The following KDM3B variants were observed in gnomAD, a reference collection of about 807,000 sequenced individuals.
KDM3B encodes lysine demethylase 3B, also known as lysine-specific demethylase 3B.
A neutral mutation model predicts 170.0 loss-of-function variants in KDM3B; 10 were observed. That is an observed-to-expected ratio of 0.06 (90% CI 0.04 to 0.10). The LOEUF (loss-of-function observed/expected upper bound fraction) is 0.10, where lower values mean the gene tolerates loss of function less well. KDM3B is among the 10% of genes least tolerant of loss of function. The pLI, the probability that KDM3B is intolerant of heterozygous loss-of-function variation, is 1.00. For missense variants in KDM3B, 1,394 were observed against 2,195.2 expected, an observed-to-expected ratio of 0.64 and a Z score of 7.29; for synonymous variants, 831 against 834.8, an observed-to-expected ratio of 1.00 and a Z score of 0.08.
At chr5:138,430,196 A>G in intron 21 of KDM3B, 53 bp from the exon 22 acceptor site, 1 of 1,585,110 alleles carries the variant, frequency 6.3e-7, no homozygotes, top group African/African-American at 1.3e-5. Context: ...AGTTGGATTT[A>G]TGCTGTTAAT....
chr5:138,354,378 T>C (rs1180306529), intron 1 of KDM3B, among the ~76,000 whole-genome samples: 1 of 152,218 alleles, frequency 6.6e-6, no homozygotes, highest in Non-Finnish European at 1.5e-5. Context: ...CTTTAAAAGA[T>C]GGCTGGGATG....
intron 13 of KDM3B, 83 bp downstream of exon 13, chr5:138,417,693 C>A: frequency 7.1e-7 from 1 of 1,403,314 alleles, no homozygotes; most frequent in Non-Finnish European, 1.0e-6. Context: ...CTCTGTTATG[C>A]CAGGCTACTG....
At chr5:138,376,027 C>A (rs7703010) in intron 3 of KDM3B, among the ~76,000 whole-genome samples, 91,050 of 151,742 alleles carry the variant, frequency 0.6, 27,649 homozygotes, top group East Asian at 0.85. Context: ...CCTTGGCTGG[C>A]GTGCAGTGGC....
At chr5:138,367,767 C>T (rs571961773) in intron 1 of KDM3B, among the ~76,000 whole-genome samples, 8 of 152,232 alleles carry the variant, frequency 5.3e-5, no homozygotes, top group Admixed American at 3.3e-4. Flanking sequence ...GTAATCCCAG[C>T]GCTTTGGGAG....
chr5:138,398,432 G>GA lies in KDM3B; in HGVS notation c.3046+45dup, dbSNP rs762690751. The GA allele has an allele frequency of 4.5e-6, 7 of 1,568,492 alleles. No individual in the cohort carries two copies. The African/African-American group carries it at 9.5e-5, about 21-fold the overall frequency. Reference sequence around the variant, plus strand: ...CACTTGTCTTCCAGGTGCTCCTAGTGAAAAACTTTTATTTTCTTTCACTTA... The same window carrying GA: ...CACTTGTCTTCCAGGTGCTCCTAGTGAAAAAACTTTTATTTTCTTTCACTTA... On this transcript the variant is annotated intron_variant, in intron 10 of 23. Transcript: ENST00000314358.
chr5:138,362,206 A>G (rs1326870096), intron 1 of KDM3B, among the ~76,000 whole-genome samples: 1 of 151,662 alleles, frequency 6.6e-6, no homozygotes, highest in Non-Finnish European at 1.5e-5. Context: ...AATCCCTGCT[A>G]CTCGGGAGGC....
chr5:138,378,849 G>A (rs374068638), intron 4 of KDM3B, among the ~76,000 whole-genome samples: 5 of 150,274 alleles, frequency 3.3e-5, no homozygotes, highest in East Asian at 1.9e-4. Flanking sequence ...GAAAAGTTAC[G>A]GAAGCTTAAT....
At chr5:138,396,095 G>A (rs1762538320) in intron 9 of KDM3B, among the ~76,000 whole-genome samples, 1 of 151,694 alleles carries the variant, frequency 6.6e-6, no homozygotes, top group African/African-American at 2.4e-5. Flanking sequence ...ATGGCAATGA[G>A]TATAGACAAC....
chr5:138,357,343 T>C (rs1428913120), intron 1 of KDM3B, among the ~76,000 whole-genome samples: 1 of 151,636 alleles, frequency 6.6e-6, no homozygotes, highest in Middle Eastern at 3.2e-3. Context: ...ATCTTGAACC[T>C]ATATAAATAT....
intron 10 of KDM3B, among the ~76,000 whole-genome samples, chr5:138,399,443 C>A (rs1329839023): frequency 6.6e-6 from 1 of 151,748 alleles, no homozygotes; most frequent in Non-Finnish European, 1.5e-5. Context: ...GAGGCTGAGG[C>A]AGGTGAATGG....
chr5:138,357,097 G>A (rs1040845634), intron 1 of KDM3B, among the ~76,000 whole-genome samples: 5 of 151,290 alleles, frequency 3.3e-5, no homozygotes, highest in African/African-American at 1.2e-4. Flanking sequence ...ACAGCTCACT[G>A]CTGGGCTCAA....
intron 17 of KDM3B, among the ~76,000 whole-genome samples, chr5:138,426,094 A>G (rs891054183): frequency 1.3e-5 from 2 of 152,206 alleles, no homozygotes; most frequent in African/African-American, 4.8e-5. Context: ...CATGGCAATC[A>G]CATGACTCCC....
chr5:138,362,551 T>TACACACACAC (rs370412367), intron 1 of KDM3B, among the ~76,000 whole-genome samples: 8 of 124,684 alleles, frequency 6.4e-5, no homozygotes, highest in African/African-American at 1.9e-4. Flanking sequence ...TATATGTGTA[T>TACACACACAC]ACACACACAC....
rs922223339 is a variant in KDM3B at position 138,399,708 on chromosome 5, T to C, written c.3047-152T>C. 13 of 607,302 alleles carry C rather than the reference T, an allele frequency of 2.1e-5. No homozygotes were observed. The Admixed American group carries it at 3.8e-4, about 18-fold the overall frequency. 37.6% of individuals were successfully genotyped at this position (607,302 alleles called of 1,614,324 possible). On this transcript the variant is annotated intron_variant, in intron 10 of 23. Coordinates refer to ENST00000314358, the MANE Select transcript of KDM3B (RefSeq NM_016604.4). ...TTCAGAAATACTAGAAATTATTGTA[T>C]TTTGTTTCTCCTACAATTATAGAAA...
intron 14 of KDM3B, among the ~76,000 whole-genome samples, chr5:138,419,663 A>AT (rs1561791532): frequency 1.0e-4 from 13 of 125,034 alleles, no homozygotes; most frequent in African/African-American, 2.4e-4. Context: ...AAAAAAAAAA[A>AT]AAAAAATATA....
At chr5:138,379,325 G>T (rs537346088) in intron 4 of KDM3B, among the ~76,000 whole-genome samples, 17 of 152,208 alleles carry the variant, frequency 1.1e-4, no homozygotes, top group Admixed American at 5.2e-4. Flanking sequence ...TTGAGGCAAG[G>T]GGGAGTTGGA....
chr5:138,422,964 C>A (rs1351638257), intron 15 of KDM3B, among the ~76,000 whole-genome samples: 1 of 151,750 alleles, frequency 6.6e-6, no homozygotes, highest in Non-Finnish European at 1.5e-5. Flanking sequence ...TTTTTTGAGA[C>A]AGTCTCACTC....
intron 11 of KDM3B, among the ~76,000 whole-genome samples, chr5:138,408,330 TTCTC>T (rs750712696): frequency 5.9e-5 from 9 of 151,612 alleles, no homozygotes; most frequent in Non-Finnish European, 1.2e-4. Flanking sequence ...CTGTTTTACT[TTCTC>T]TTTCTTTCTT....
chr5:138,411,830 G>A (rs1219202473), intron 11 of KDM3B, among the ~76,000 whole-genome samples: 1 of 150,544 alleles, frequency 6.6e-6, no homozygotes, highest in Admixed American at 6.6e-5. Flanking sequence ...CTCCCGAGCA[G>A]CCAGGATTAC....
Sources: gnomAD v4.1 joint callset for allele counts (sites outside exome capture counted in the v4.1 genomes callset) on GRCh38, gnomAD v4.1.1 for gene constraint, MANE v1.5 for transcripts, NCBI Gene and HGNC (gene_info 2026-07-23, HGNC 2026-07-21) for gene names.